Variants in CDH4 observed in about 807,000 individuals in gnomAD.
The protein encoded by CDH4 is cadherin-4.
Under a neutral mutation model 86.0 loss-of-function variants are expected in CDH4, and 33 were observed. The ratio of observed to expected loss-of-function variants is 0.38; its 90% confidence interval spans 0.29 to 0.51. The LOEUF is 0.51. CDH4 is among the 20% of genes least tolerant of loss of function. CDH4 has a pLI of 0.86. For synonymous variants in CDH4, 555 were observed against 549.4 expected, an observed-to-expected ratio of 1.01 and a Z score of -0.14; for missense variants, 1,114 against 1,307.4, an observed-to-expected ratio of 0.85 and a Z score of 2.28.
chr20:61,639,938 G>A (rs1339442382), intron 2 of CDH4, among the ~76,000 whole-genome samples: 1 of 152,104 alleles, frequency 6.6e-6, no homozygotes, highest in African/African-American at 2.4e-5. Context: ...CCCAAACCCA[G>A]CTCGGCTTCG....
At chr20:61,691,093 T>C (rs1416975063) in intron 2 of CDH4, among the ~76,000 whole-genome samples, 1 of 152,114 alleles carries the variant, frequency 6.6e-6, no homozygotes, top group African/African-American at 2.4e-5. Context: ...CGGAAGTGCA[T>C]GGCCACCGAG....
At chr20:61,898,350 C>T (rs746052039) in intron 8 of CDH4, among the ~76,000 whole-genome samples, 59 of 152,238 alleles carry the variant, frequency 3.9e-4, no homozygotes, top group Admixed American at 7.9e-4. Flanking sequence ...GCTCTGAGCG[C>T]GGCTGCACTG....
chr20:61,527,300 G>C (rs567039766), intron 2 of CDH4, among the ~76,000 whole-genome samples: 2 of 152,120 alleles, frequency 1.3e-5, no homozygotes, highest in Admixed American at 6.5e-5. Context: ...GCCCAGGCTG[G>C]AGTGCAGTGG....
intron 2 of CDH4, among the ~76,000 whole-genome samples, chr20:61,345,637 GT>G (rs2084674758): frequency 6.6e-6 from 1 of 152,194 alleles, no homozygotes; most frequent in Non-Finnish European, 1.5e-5. Context: ...TGCCTGTCAG[GT>G]TTACTTTCCC....
rs538707524 is a variant in CDH4 at position 61,632,924 on chromosome 20, C to T, written c.170-110639C>T. On this transcript the variant is annotated intron_variant, in intron 2 of 15. Coordinates refer to ENST00000614565, the MANE Select transcript of CDH4 (RefSeq NM_001794.5). ...TCCATCAACTTACCTATTGGCTTTACGTTGTCTCTCTATCCATCTTCTTAT... is the reference window on the plus strand; with the variant it reads ...TCCATCAACTTACCTATTGGCTTTATGTTGTCTCTCTATCCATCTTCTTAT... 7.6e-5 allele frequency among the ~76,000 whole-genome samples: 11 copies of T among 144,862 alleles called. No individual in the cohort carries two copies. The East Asian group carries it at 1.1e-3, about 14-fold the overall frequency.
chr20:61,396,273 A>G (rs181347653), intron 2 of CDH4, among the ~76,000 whole-genome samples: 30 of 152,256 alleles, frequency 2.0e-4, no homozygotes, highest in African/African-American at 6.7e-4. Flanking sequence ...TCCTGGCTAC[A>G]TCGGAATTTC....
chr20:61,658,592 C>T (rs2087217824), intron 2 of CDH4, among the ~76,000 whole-genome samples: 1 of 152,194 alleles, frequency 6.6e-6, no homozygotes, highest in Non-Finnish European at 1.5e-5. Context: ...GGTCGTTATA[C>T]ACACCAGTGT....
intron 4 of CDH4, among the ~76,000 whole-genome samples, chr20:61,776,136 C>T (rs1028148406): frequency 6.6e-6 from 1 of 152,156 alleles, no homozygotes; most frequent in African/African-American, 2.4e-5. Context: ...TTGATGAGAA[C>T]GTTTCTCCGG....
At chr20:61,581,976 T>C (rs765179325) in intron 2 of CDH4, among the ~76,000 whole-genome samples, 2 of 152,210 alleles carry the variant, frequency 1.3e-5, no homozygotes, top group African/African-American at 4.8e-5. Context: ...GCGTTCGGCA[T>C]GGCTGAGCTT....
chr20:61,732,597 T>C (rs2088205638), intron 2 of CDH4, among the ~76,000 whole-genome samples: 1 of 152,170 alleles, frequency 6.6e-6, no homozygotes, highest in Non-Finnish European at 1.5e-5. Flanking sequence ...TTCATTCAGG[T>C]TGGCCTATTG....
chr20:61,839,385 GTA>G (rs1248314281), intron 4 of CDH4, among the ~76,000 whole-genome samples: 4 of 152,040 alleles, frequency 2.6e-5, no homozygotes, highest in Admixed American at 1.3e-4. Flanking sequence ...TGTTGTGTGT[GTA>G]TGTGTATTTG....
At chr20:61,687,288 C>T (rs1394947571) in intron 2 of CDH4, among the ~76,000 whole-genome samples, 1 of 152,224 alleles carries the variant, frequency 6.6e-6, no homozygotes, top group Admixed American at 6.5e-5. Context: ...GTCTGCTCTT[C>T]CCCTTTCCCT....
intron 9 of CDH4, 29 bp from the exon 10 acceptor site, chr20:61,923,422 T>C (rs1450636962): frequency 6.2e-7 from 1 of 1,609,290 alleles, no homozygotes; most frequent in African/African-American, 1.3e-5. Flanking sequence ...CTGTGCCAGG[T>C]CACTCCCAGC....
intron 4 of CDH4, among the ~76,000 whole-genome samples, chr20:61,843,292 T>C (rs1982260106): frequency 6.7e-6 from 1 of 149,574 alleles, no homozygotes; most frequent in Non-Finnish European, 1.5e-5. Context: ...CTACTAAAAA[T>C]ACAAAAAATT....
At chr20:61,286,669 C>G (rs2084294964) in intron 2 of CDH4, among the ~76,000 whole-genome samples, 1 of 152,174 alleles carries the variant, frequency 6.6e-6, no homozygotes, top group Non-Finnish European at 1.5e-5. Context: ...ACGTTGAAAA[C>G]TGAAAATAAA....
At chr20:61,401,644 T>C (rs903190005) in intron 2 of CDH4, among the ~76,000 whole-genome samples, 3 of 152,220 alleles carry the variant, frequency 2.0e-5, no homozygotes, top group African/African-American at 7.2e-5. Context: ...CACTGTGACA[T>C]ATCATGACCT....
chr20:61,895,766 C>T (rs907021674), intron 8 of CDH4, among the ~76,000 whole-genome samples: 4 of 152,224 alleles, frequency 2.6e-5, no homozygotes, highest in African/African-American at 7.2e-5. Flanking sequence ...GGGGAGGTCC[C>T]GGCCTTGGCT....
intron 2 of CDH4, among the ~76,000 whole-genome samples, chr20:61,535,744 G>T (rs2085991909): frequency 1.3e-5 from 2 of 152,292 alleles, no homozygotes; most frequent in East Asian, 1.9e-4. Context: ...GGGCCCTTCA[G>T]TGCCGGTCCT....
chr20:61,667,896 G>A (rs2087344999), intron 2 of CDH4, among the ~76,000 whole-genome samples: 1 of 152,190 alleles, frequency 6.6e-6, no homozygotes, highest in South Asian at 2.1e-4. Flanking sequence ...AAGGCGGAGG[G>A]ACCCCACCAA....
Sources: allele counts gnomAD v4.1 joint callset (sites outside exome capture counted in the v4.1 genomes callset), GRCh38; gene constraint gnomAD v4.1.1; transcripts MANE v1.5; gene names NCBI Gene and HGNC (gene_info 2026-07-23, HGNC 2026-07-21).